Variants in TRIP11 observed in about 807,000 individuals in gnomAD.
TRIP11 encodes thyroid receptor-interacting protein 11.
Under a neutral mutation model 223.1 loss-of-function variants are expected in TRIP11, and 148 were observed. The observed-to-expected ratio is 0.66, with a 90% CI of 0.58 to 0.76. The LOEUF is 0.76. TRIP11 is among the 30% of genes least tolerant of loss of function. TRIP11 has a pLI of 0.00. For missense variants in TRIP11, 2,043 were observed against 2,222.0 expected (o/e 0.92, Z 1.62); for synonymous variants, 762 against 772.6 (o/e 0.99, Z 0.23).
At chr14:91,984,191 T>C (rs1393264911) in intron 16 of TRIP11, among the ~76,000 whole-genome samples, 1 of 152,214 alleles carries the variant, frequency 6.6e-6, no homozygotes, top group Non-Finnish European at 1.5e-5. Flanking sequence ...ACTAAATTTG[T>C]ATTGCTTATG....
In TRIP11 at chr14:92,003,574, T is replaced by C. The variant is rs1453685058; in HGVS notation, c.4402A>G (p.Ile1468Val). Residue 1468 changes from isoleucine to valine, a missense_variant, in exon 11 of 21, where the codon ATA becomes GTA. By Grantham distance (29) the Ile-to-Val change is conservative. Transcript: ENST00000267622. ...IGKLKGENEKIVETYRGKETE... is the reference protein window; with the variant it reads ...IGKLKGENEKVVETYRGKETE... ...TCCTTTCCCCTGTATGTTTCCACTA[T>C]TTTTTCATTTTCTCCTTTTAGTTTG... is the stretch of plus-strand genomic sequence containing the variant. The C allele has an allele frequency of 1.9e-6, 3 of 1,614,190 alleles. No homozygotes were observed. Among genetic ancestry groups the C allele is most frequent in the Admixed American group, 1.7e-5 (1 of 60,028 alleles).
At chr14:92,034,774 A>G (rs568872345) in intron 1 of TRIP11, among the ~76,000 whole-genome samples, 28 of 152,288 alleles carry the variant, frequency 1.8e-4, no homozygotes, top group Non-Finnish European at 3.1e-4. Flanking sequence ...TTGGAACTAC[A>G]GGCACATGCG....
intron 2 of TRIP11, among the ~76,000 whole-genome samples, chr14:92,025,878 CAAA>C (rs372915026): frequency 1.4e-5 from 1 of 74,044 alleles, no homozygotes; most frequent in Non-Finnish European, 2.8e-5. Context: ...GACTCCGTCT[CAAA>C]AAAAAAAAAA....
At chr14:91,979,695 A>G (rs144094367) in intron 16 of TRIP11, among the ~76,000 whole-genome samples, 13 of 152,264 alleles carry the variant, frequency 8.5e-5, no homozygotes, top group African/African-American at 2.4e-4. Context: ...GGACGGTGCT[A>G]GAAGGATGGT....
chr14:91,971,726 C>T (rs2140079394), intron 20 of TRIP11, among the ~76,000 whole-genome samples: 1 of 152,288 alleles, frequency 6.6e-6, no homozygotes, highest in African/African-American at 2.4e-5. Context: ...GTATAGCCTA[C>T]ACCTCTTAGA....
chr14:92,018,960 C>CAAA (rs567152333), intron 4 of TRIP11, among the ~76,000 whole-genome samples: 22 of 70,864 alleles, frequency 3.1e-4, no homozygotes, highest in South Asian at 5.1e-4. Flanking sequence ...GACTCCATCT[C>CAAA]AAAAAAAAAA....
intron 19 of TRIP11, among the ~76,000 whole-genome samples, chr14:91,973,171 G>A (rs1251184076): frequency 6.6e-6 from 1 of 151,918 alleles, no homozygotes; most frequent in Admixed American, 6.6e-5. Context: ...GATTACAGGT[G>A]CACGCCACCA....
In TRIP11 at chr14:92,033,195, T is replaced by C. The variant is rs1396064950; in HGVS notation, c.198A>G (p.Ser66=). 2 of 1,612,874 alleles carry C rather than the reference T, an allele frequency of 1.2e-6. No individual in the cohort carries two copies. The highest frequency in any genetic ancestry group is 1.3e-5 in the African/African-American group (1 of 75,042). The change falls in exon 2 of 21, where the codon TCA becomes TCG. Residue 66 remains serine, a synonymous_variant. Coordinates refer to ENST00000267622, the MANE Select transcript of TRIP11 (RefSeq NM_004239.4). ...AGTAGTCTTTGATTTTTCTTACCTC[T>C]GATCTCAAGATTGCATGAATGGCTT... ...EIEAIHAILR[S]ENERLKKLCT... is the part of the protein sequence containing the mutation.
intron 15 of TRIP11, 119 bp from the exon 16 acceptor site, chr14:91,988,502 C>T (rs1352683861): frequency 1.2e-6 from 1 of 833,806 alleles, no homozygotes; most frequent in Non-Finnish European, 2.0e-6. Flanking sequence ...ACCTCTATGA[C>T]CTTGGGCAAA....
At chr14:91,986,465 T>C (rs2056605539) in intron 16 of TRIP11, among the ~76,000 whole-genome samples, 1 of 152,168 alleles carries the variant, frequency 6.6e-6, no homozygotes, top group Non-Finnish European at 1.5e-5. Flanking sequence ...TTCAAAAAGT[T>C]TTAGACTTTG....
rs7151632 is a variant in TRIP11 at position 92,011,854 on chromosome 14, A to G, written c.1187-59T>C. On this transcript the variant is annotated intron_variant, in intron 7 of 20. Coordinates refer to ENST00000267622, the MANE Select transcript of TRIP11 (RefSeq NM_004239.4). ...TTATTTAGAGTAACTTATTATCTTC[A>G]ATATTAAACTCAGAAATGCAACCCA... 0.12 allele frequency: 179,922 copies of G among 1,519,544 alleles called. 12,796 individuals are homozygous for G. Among genetic ancestry groups the G allele is most frequent in the African/African-American group, 0.31 (22,315 of 72,964 alleles). The allele number at this position is 1,519,544 out of a possible 1,614,324, so 94.1% of individuals were successfully genotyped here.
intron 20 of TRIP11, 79 bp downstream of exon 20, chr14:91,972,638 G>A: frequency 7.0e-7 from 1 of 1,430,796 alleles, no homozygotes; most frequent in Non-Finnish European, 9.5e-7. Flanking sequence ...TAAAAATTTA[G>A]TTAATATCAC....
At chr14:92,028,404 T>G (rs2057217046) in intron 2 of TRIP11, among the ~76,000 whole-genome samples, 1 of 151,914 alleles carries the variant, frequency 6.6e-6, no homozygotes, top group South Asian at 2.1e-4. Context: ...AAATACAAAA[T>G]TAGCTGGGCA....
intron 7 of TRIP11, among the ~76,000 whole-genome samples, chr14:92,013,072 T>G (rs533529699): frequency 1.1e-4 from 17 of 152,158 alleles, no homozygotes; most frequent in South Asian, 1.0e-3. Flanking sequence ...ATCGAGATCA[T>G]CCTGGCCAAC....
Position 91,993,803 on chromosome 14 carries a change from T to C in TRIP11, c.5160+6A>G, listed in dbSNP as rs1374511946. ...AAACCTACAAGAGAAAACTATTTTG[T>C]CCTACCTGTAATGATATCACTTTTC... On this transcript the variant is annotated splice_donor_region_variant and intron_variant, in intron 15 of 20. Transcript: ENST00000267622. 1 of 1,604,740 alleles carries C rather than the reference T, an allele frequency of 6.2e-7. No homozygotes were observed. Among genetic ancestry groups the C allele is most frequent in the African/African-American group, 1.3e-5 (1 of 74,744 alleles).
At position 92,004,736 on chromosome 14, in the gene TRIP11, A is replaced by T; in HGVS notation, c.3240T>A (p.His1080Gln). The change falls in exon 11 of 21, where the codon CAT becomes CAA. Residue 1080 changes from histidine (H) to glutamine (Q), a missense_variant. By Grantham distance (24) the His-to-Gln change is conservative. Transcript: ENST00000267622. ...GTTGAAGGTAAACAACATCTTGAGT[A>T]TGGGAAGTTGAAGAAATTCTAGCAT... ...ALHARISSTS[H>Q]TQDVVYLQQQ... 6.2e-7 allele frequency: 1 copy of T among 1,614,188 alleles called. No homozygotes were observed. The highest frequency in any genetic ancestry group is 8.5e-7 in the Non-Finnish European group (1 of 1,180,020).
At chr14:92,030,405 T>C (rs989787422) in intron 2 of TRIP11, 2 of 151,994 alleles carry the variant, frequency 1.3e-5, no homozygotes, top group African/African-American at 4.8e-5. Flanking sequence ...TTTTTATTTT[T>C]TTTGAGAGTC....
Position 91,968,445 on chromosome 14 carries a change from A to G in TRIP11, c.*1228T>C. 1 of 211,356 alleles carries G rather than the reference A, an allele frequency of 4.7e-6. No homozygotes were observed. The highest frequency in any genetic ancestry group is 9.6e-6 in the Non-Finnish European group (1 of 104,168). 13.1% of individuals were successfully genotyped at this position (211,356 alleles called of 1,614,324 possible). ...TTCACTGCCCTCAGTGGCCACCGTGATAACAGTTGACTCTCGGATTGCTGT... is the reference window on the plus strand; with the variant it reads ...TTCACTGCCCTCAGTGGCCACCGTGGTAACAGTTGACTCTCGGATTGCTGT... On this transcript the variant is annotated 3_prime_UTR_variant, in exon 21 of 21. Coordinates refer to ENST00000267622, the MANE Select transcript of TRIP11 (RefSeq NM_004239.4).
intron 9 of TRIP11, among the ~76,000 whole-genome samples, chr14:92,010,225 T>G (rs1391703125): frequency 6.6e-6 from 1 of 152,148 alleles, no homozygotes; most frequent in Non-Finnish European, 1.5e-5. Context: ...ACTGTTGCTC[T>G]GTACCCCTAT....
Sources: gnomAD v4.1 joint callset for allele counts (sites outside exome capture counted in the v4.1 genomes callset) on GRCh38, gnomAD v4.1.1 for gene constraint, MANE v1.5 for transcripts, NCBI Gene and HGNC (gene_info 2026-07-23, HGNC 2026-07-21) for gene names.